Variants in SLC25A12 observed in about 807,000 individuals in gnomAD.
The protein encoded by SLC25A12 is electrogenic aspartate/glutamate antiporter SLC25A12, mitochondrial.
In SLC25A12, 32 loss-of-function variants were observed where a neutral mutation model predicts 83.3. That is an observed-to-expected ratio of 0.38 (90% CI 0.29 to 0.52). The LOEUF is 0.52. Among genes scored for constraint, SLC25A12 ranks in the 20% least tolerant of loss-of-function variants. The pLI is 0.84. For synonymous variants in SLC25A12, 267 were observed against 291.1 expected, an observed-to-expected ratio of 0.92 and a Z score of 0.84; for missense variants, 611 against 835.6, an observed-to-expected ratio of 0.73 and a Z score of 3.31.
rs575241554 is a variant in SLC25A12, at chr2:171,841,873, C to T, written c.465+2496G>A. Among the ~76,000 whole-genome samples the T allele has an allele frequency of 3.3e-5, 5 of 152,274 alleles. No homozygotes were observed. In the South Asian group the frequency reaches 1.0e-3, roughly 32 times the overall value. ...AAAGTGAAGGGTGATCACAGAATGA[C>T]TCCTATGCAGTGAGCTTACACAGTC... On this transcript the variant is annotated intron_variant, in intron 5 of 17. Transcript: ENST00000422440.
At chr2:171,867,037 G>T (rs545198832) in intron 3 of SLC25A12, among the ~76,000 whole-genome samples, 7 of 150,482 alleles carry the variant, frequency 4.7e-5, no homozygotes, top group Non-Finnish European at 8.9e-5. Context: ...CCCAGACGGG[G>T]CGGTGGGGCA....
chr2:171,800,285 A>G (rs1481775479), intron 13 of SLC25A12, among the ~76,000 whole-genome samples: 1 of 151,742 alleles, frequency 6.6e-6, no homozygotes, highest in Admixed American at 6.6e-5. Flanking sequence ...AAAATATGAA[A>G]CCTAATAAAA....
chr2:171,793,655 C>T lies in SLC25A12; in HGVS notation c.1418G>A (p.Arg473Gln), dbSNP rs35565687. 63,233 of 1,613,974 alleles carry T rather than the reference C, an allele frequency of 0.039. 1,478 individuals carry two copies. The highest frequency in any genetic ancestry group is 0.045 in the Non-Finnish European group (52,905 of 1,179,896). Residue 473 changes from arginine to glutamine, a missense_variant, in exon 14 of 18, where the codon CGG becomes CAG. Physicochemically the swap from Arg to Gln is conservative, Grantham distance 43. This residue lies in a region of SLC25A12 where 540 missense variants were observed against 777.5 expected (regional missense o/e 0.69). Coordinates refer to ENST00000422440, the MANE Select transcript of SLC25A12 (RefSeq NM_003705.5). ...GPRVSALNVL[R>Q]DLGIFGLYKG... ...ATACAGACCAAAAATTCCCAAGTCC[C>T]GGAGCACATTCAGGGCGCTGACTCT...
At chr2:171,818,157 T>C (rs1684093932) in intron 9 of SLC25A12, among the ~76,000 whole-genome samples, 1 of 152,200 alleles carries the variant, frequency 6.6e-6, no homozygotes, top group South Asian at 2.1e-4. Flanking sequence ...ATAAATGAAA[T>C]GCTACCGCTG....
chr2:171,848,543 G>C (rs960306480), intron 4 of SLC25A12, among the ~76,000 whole-genome samples: 1 of 152,212 alleles, frequency 6.6e-6, no homozygotes, highest in East Asian at 1.9e-4. Context: ...ACAATGGTGA[G>C]ACTTGTAGAA....
At position 171,802,956 on chromosome 2, in the gene SLC25A12, T is replaced by C. The variant is rs540615391; in HGVS notation, c.1305+6650A>G. 4.2e-5 allele frequency among the ~76,000 whole-genome samples: 6 copies of C among 142,012 alleles called. No individual in the cohort carries two copies. In the South Asian group the frequency reaches 6.4e-4, roughly 15 times the overall value. 93.2% of individuals were successfully genotyped at this position (142,012 alleles called of 152,430 possible). On this transcript the variant is annotated intron_variant, in intron 13 of 17. Coordinates refer to ENST00000422440, the MANE Select transcript of SLC25A12 (RefSeq NM_003705.5). ...CAGAGTCAACAAAACTTCCATCTGG[T>C]TTTAAAAAGTGTGTGTGTGTGTGTG...
chr2:171,894,082 C>G, intron 1 of SLC25A12, 121 bp downstream of exon 1: 2 of 1,348,722 alleles, frequency 1.5e-6, no homozygotes. Context: ...CAAGCCGGAG[C>G]CCCAGGACAA....
intron 13 of SLC25A12, among the ~76,000 whole-genome samples, chr2:171,802,636 C>G (rs536712846): frequency 6.6e-6 from 1 of 152,214 alleles, no homozygotes; most frequent in African/African-American, 2.4e-5. Flanking sequence ...ATTAGCCAGG[C>G]CTGGTGGCGG....
chr2:171,794,496 T>C (rs565281095), intron 13 of SLC25A12, among the ~76,000 whole-genome samples: 7 of 151,916 alleles, frequency 4.6e-5, no homozygotes, highest in African/African-American at 1.2e-4. Flanking sequence ...ACCCTCAAGA[T>C]CAAAGCCACA....
At chr2:171,827,810 G>A (rs1245394952) in intron 8 of SLC25A12, among the ~76,000 whole-genome samples, 2 of 152,192 alleles carry the variant, frequency 1.3e-5, no homozygotes, top group African/African-American at 2.4e-5. Context: ...AGTCAGCCAG[G>A]AGGTAAGCCC....
intron 3 of SLC25A12, among the ~76,000 whole-genome samples, chr2:171,860,731 G>C (rs1487708556): frequency 6.6e-6 from 1 of 152,118 alleles, no homozygotes; most frequent in African/African-American, 2.4e-5. Context: ...AAGATGGATT[G>C]ATGGAAGGAT....
chr2:171,837,965 A>G (rs1684592808), intron 5 of SLC25A12, among the ~76,000 whole-genome samples: 1 of 152,236 alleles, frequency 6.6e-6, no homozygotes, highest in Non-Finnish European at 1.5e-5. Context: ...AAACTTTGTA[A>G]TAAGTGATAT....
At chr2:171,865,852 A>G (rs13018433) in intron 3 of SLC25A12, among the ~76,000 whole-genome samples, 2 of 151,534 alleles carry the variant, frequency 1.3e-5, no homozygotes, top group African/African-American at 4.9e-5. Context: ...CAAAAAAAAA[A>G]TTTTTTTTAA....
chr2:171,819,525 A>G (rs1684140994), intron 9 of SLC25A12, among the ~76,000 whole-genome samples: 2 of 145,304 alleles, frequency 1.4e-5, no homozygotes, highest in Admixed American at 1.4e-4. Context: ...TTTTTCTCTC[A>G]GCAAAAAGGG....
At chr2:171,851,088 C>T (rs181724406) in intron 4 of SLC25A12, among the ~76,000 whole-genome samples, 3 of 152,246 alleles carry the variant, frequency 2.0e-5, no homozygotes, top group East Asian at 1.9e-4. Context: ...TAGGCAAACA[C>T]CAAATTTGGA....
intron 15 of SLC25A12, among the ~76,000 whole-genome samples, chr2:171,789,707 A>T (rs1683383592): frequency 6.6e-6 from 1 of 152,196 alleles, no homozygotes; most frequent in African/African-American, 2.4e-5. Flanking sequence ...TGTGCTGGCC[A>T]ACATGGTGAA....
At chr2:171,796,821 C>G (rs983392242) in intron 13 of SLC25A12, among the ~76,000 whole-genome samples, 3 of 152,162 alleles carry the variant, frequency 2.0e-5, no homozygotes, top group Non-Finnish European at 2.9e-5. Flanking sequence ...GTTTATAATG[C>G]TTAAAGGGAA....
chr2:171,849,467 C>T (rs995460497), intron 4 of SLC25A12, among the ~76,000 whole-genome samples: 1 of 150,566 alleles, frequency 6.6e-6, no homozygotes, highest in Non-Finnish European at 1.5e-5. Flanking sequence ...TACTTCTTAC[C>T]AAATTAAGCT....
chr2:171,799,815 G>A (rs1051857617), intron 13 of SLC25A12, among the ~76,000 whole-genome samples: 1 of 152,232 alleles, frequency 6.6e-6, no homozygotes, highest in Non-Finnish European at 1.5e-5. Flanking sequence ...TCTCCAGAAA[G>A]TGTGTTCGCA....
Sources: allele counts gnomAD v4.1 joint callset (sites outside exome capture counted in the v4.1 genomes callset), GRCh38; gene constraint gnomAD v4.1.1; regional missense constraint gnomAD v4.1.1; transcripts MANE v1.5; gene names NCBI Gene and HGNC (gene_info 2026-07-23, HGNC 2026-07-21).